XRCC6: variants seen among roughly 807,000 people sequenced by gnomAD.
XRCC6 encodes DNA repair protein Ku70.
A neutral mutation model predicts 65.7 loss-of-function variants in XRCC6; 5 were observed. The observed-to-expected ratio is 0.08, with a 90% CI of 0.04 to 0.16. The LOEUF is 0.16. Ranked by LOEUF, XRCC6 falls within the 10% of genes least tolerant of loss-of-function variation. XRCC6 has a pLI of 1.00. For synonymous variants in XRCC6, 270 were observed against 270.6 expected (o/e 1.00, Z 0.02); for missense variants, 447 against 738.1 (o/e 0.61, Z 4.57).
At chr22:41,630,288 T>A (rs942540607) in intron 3 of XRCC6, among the ~76,000 whole-genome samples, 4 of 151,756 alleles carry the variant, frequency 2.6e-5, no homozygotes, top group Middle Eastern at 6.4e-3. Context: ...GGCCTTGCTT[T>A]TTTTTTTTGA....
intron 1 of XRCC6, 79 bp from the exon 2 acceptor site, chr22:41,621,911 C>T: frequency 7.2e-7 from 1 of 1,382,400 alleles, no homozygotes; most frequent in Non-Finnish European, 1.0e-6. Context: ...GCTTTTAGAA[C>T]AGATCTCACA....
chr22:41,653,644 A>T lies in XRCC6; in HGVS notation c.1245A>T (p.Pro415=). ...CTCCTTATTTTGTGGCTTTGGTGCC[A>T]CAGGAAGAAGAGTTGGATGACCAGA... ...NIPPYFVALV[P]QEEELDDQKI... The change falls in exon 9 of 13, where the codon CCA becomes CCT. Residue 415 remains proline (P), a synonymous_variant. Transcript: ENST00000360079. The T allele has an allele frequency of 6.2e-7, 1 of 1,614,146 alleles. No homozygotes were observed. The highest frequency in any genetic ancestry group is 8.5e-7 in the Non-Finnish European group (1 of 1,180,006).
At chr22:41,651,648 C>T (rs906874864) in intron 8 of XRCC6, among the ~76,000 whole-genome samples, 29 of 151,466 alleles carry the variant, frequency 1.9e-4, no homozygotes, top group African/African-American at 7.0e-4. Flanking sequence ...CTTCCTCAGC[C>T]TCTGGAGTAG....
intron 3 of XRCC6, among the ~76,000 whole-genome samples, chr22:41,633,223 T>C (rs2067774703): frequency 6.6e-6 from 1 of 152,176 alleles, no homozygotes; most frequent in South Asian, 2.1e-4. Context: ...TTGCAGGACA[T>C]TAAAACACAG....
chr22:41,626,622 T>C, intron 2 of XRCC6, among the ~76,000 whole-genome samples: 1 of 149,342 alleles, frequency 6.7e-6, no homozygotes, highest in South Asian at 2.1e-4. Context: ...ACCTGGCTAA[T>C]GTTTGTTTGT....
At chr22:41,644,599 C>T (rs147462545) in intron 6 of XRCC6, among the ~76,000 whole-genome samples, 4 of 152,122 alleles carry the variant, frequency 2.6e-5, no homozygotes, top group African/African-American at 9.7e-5. Context: ...AATTCTCCTG[C>T]CTCAGCCTCC....
chr22:41,624,378 ACT>A (rs961629269), intron 2 of XRCC6, among the ~76,000 whole-genome samples: 14 of 149,098 alleles, frequency 9.4e-5, no homozygotes, highest in Middle Eastern at 3.7e-3. Flanking sequence ...ACAGAGTGAA[ACT>A]CTATCTCAAA....
At chr22:41,639,504 T>TTTTTTA (rs537993830) in intron 6 of XRCC6, among the ~76,000 whole-genome samples, 2 of 150,300 alleles carry the variant, frequency 1.3e-5, no homozygotes, top group African/African-American at 4.9e-5. Flanking sequence ...CTGCTGATTA[T>TTTTTTA]TTTTTATTTT....
At chr22:41,652,221 T>C (rs1421815106) in intron 8 of XRCC6, among the ~76,000 whole-genome samples, 1 of 145,996 alleles carries the variant, frequency 6.8e-6, no homozygotes, top group Non-Finnish European at 1.5e-5. Flanking sequence ...CTTGCCGTTG[T>C]GTTTATTTGT....
chr22:41,646,241 T>C (rs1376345908), intron 6 of XRCC6, among the ~76,000 whole-genome samples: 1 of 151,442 alleles, frequency 6.6e-6, no homozygotes, highest in African/African-American at 2.4e-5. Flanking sequence ...AGGTGGAGGT[T>C]GCAGTGAGCC....
chr22:41,634,520 G>T (rs1242439957), intron 3 of XRCC6, among the ~76,000 whole-genome samples: 1 of 149,214 alleles, frequency 6.7e-6, no homozygotes, highest in Non-Finnish European at 1.5e-5. Context: ...CCAGAATTAG[G>T]TAGGCCCCTA....
At position 41,634,901 on chromosome 22, in the gene XRCC6, G is replaced by A. The variant is rs549328865; in HGVS notation, c.196-1212G>A. On this transcript the variant is annotated intron_variant, in intron 3 of 12. Coordinates refer to ENST00000360079, the MANE Select transcript of XRCC6 (RefSeq NM_001469.5). ...AGATGCTGACATTAGTTTATATAGAGGGGTAGACCTTTCCTGTTACTGGAA... is the reference window on the plus strand; with the variant it reads ...AGATGCTGACATTAGTTTATATAGAAGGGTAGACCTTTCCTGTTACTGGAA... Among the ~76,000 whole-genome samples the A allele has an allele frequency of 1.8e-4, 28 of 152,266 alleles. No homozygotes were observed. The East Asian group carries it at 4.1e-3, about 22-fold the overall frequency.
chr22:41,652,125 T>C lies in XRCC6; in HGVS notation c.1129+1234T>C, dbSNP rs762225326. Among the ~76,000 whole-genome samples, 2 of 152,158 alleles carry C rather than the reference T, an allele frequency of 1.3e-5. 1 individual carries two copies. The highest frequency in any genetic ancestry group is 4.1e-4 in the South Asian group (2 of 4,828). ...AAAAACAATTTCCCATGTAATTCTT[T>C]GAAGCATCAGATAGCAAAAAGCAAA... On this transcript the variant is annotated intron_variant, in intron 8 of 12. Coordinates refer to ENST00000360079, the MANE Select transcript of XRCC6 (RefSeq NM_001469.5).
At position 41,656,978 on chromosome 22, in the gene XRCC6, C is replaced by A; in HGVS notation, c.1367C>A (p.Pro456Gln). 1 of 1,609,866 alleles carries A rather than the reference C, an allele frequency of 6.2e-7. No homozygotes were observed. Among genetic ancestry groups the A allele is most frequent in the Non-Finnish European group, 8.5e-7 (1 of 1,178,894 alleles). Residue 456 changes from proline (P) to glutamine (Q), a missense_variant, in exon 10 of 13, where the codon CCA becomes CAA. Pro to Gln is a moderately conservative substitution (Grantham distance 76, BLOSUM62 -1). This residue lies in a region of XRCC6 where 201 missense variants were observed against 374.1 expected (regional missense o/e 0.54). Coordinates refer to ENST00000360079, the MANE Select transcript of XRCC6 (RefSeq NM_001469.5). ...TTTACTGAAAAAATCATGGCAACTC[C>A]AGAGCAGGTGGGCAAGATGAAGGCT... ...MPFTEKIMAT[P>Q]EQVGKMKAIV...
intron 7 of XRCC6, among the ~76,000 whole-genome samples, chr22:41,648,932 T>A (rs1262234592): frequency 6.6e-6 from 1 of 151,744 alleles, no homozygotes; most frequent in Non-Finnish European, 1.5e-5. Flanking sequence ...GCTACTAAGC[T>A]GTTATTAGTC....
Position 41,641,070 on chromosome 22 carries a change from G to A in XRCC6, c.773+3279G>A, listed in dbSNP as rs187987983. Among the ~76,000 whole-genome samples, 76 of 152,198 alleles carry A rather than the reference G, an allele frequency of 5.0e-4. 1 individual carries two copies. The highest frequency in any genetic ancestry group is 6.8e-3 in the Middle Eastern group (2 of 294). On this transcript the variant is annotated intron_variant, in intron 6 of 12. Transcript: ENST00000360079. ...AGCCTGGGCAACCCAGGGAGACCCT[G>A]TCTCTCTTTATTAAAAAAATTAAAA...
chr22:41,658,217 C>A (rs1414662339), intron 10 of XRCC6, 35 bp from the exon 11 acceptor site: 1 of 1,600,920 alleles, frequency 6.2e-7, no homozygotes, highest in South Asian at 1.1e-5. Flanking sequence ...TTTAAATTGT[C>A]ATGTTTCAGT....
intron 11 of XRCC6, 85 bp downstream of exon 11, chr22:41,658,437 C>A: frequency 7.8e-7 from 1 of 1,285,898 alleles, no homozygotes; most frequent in East Asian, 2.4e-5. Flanking sequence ...GTGCATTTCC[C>A]AGTCCTCTCT....
At chr22:41,635,670 A>G (rs1166262609) in intron 3 of XRCC6, among the ~76,000 whole-genome samples, 1 of 151,164 alleles carries the variant, frequency 6.6e-6, no homozygotes, top group African/African-American at 2.4e-5. Context: ...TTCCCAAGTA[A>G]CTGGGACCCT....
Sources: allele counts gnomAD v4.1 joint callset (sites outside exome capture counted in the v4.1 genomes callset), GRCh38; gene constraint gnomAD v4.1.1; regional missense constraint gnomAD v4.1.1; transcripts MANE v1.5; gene names NCBI Gene and HGNC (gene_info 2026-07-23, HGNC 2026-07-21).